Variants in ALOX15B observed in about 807,000 individuals in gnomAD.
ALOX15B encodes polyunsaturated fatty acid lipoxygenase ALOX15B.
A neutral mutation model predicts 73.8 loss-of-function variants in ALOX15B; 74 were observed. The ratio of observed to expected loss-of-function variants is 1.00; its 90% CI spans 0.83 to 1.22. The LOEUF (loss-of-function observed/expected upper bound fraction) is 1.22. Among genes scored for constraint, ALOX15B ranks in the 50% most tolerant of loss-of-function variants. The pLI is 0.00. For synonymous variants in ALOX15B, 353 were observed against 357.2 expected, an observed-to-expected ratio of 0.99 and a Z score of 0.13; for missense variants, 896 against 859.9, an observed-to-expected ratio of 1.04 and a Z score of -0.52.
rs915039621 is a variant in ALOX15B, at chr17:8,039,104, G to A, written c.-52G>A. 10 of 1,581,980 alleles carry A rather than the reference G, an allele frequency of 6.3e-6. No homozygotes were observed. In the African/African-American group the frequency reaches 8.1e-5, roughly 13 times the overall value. ...ATAACCAGGCGTGTCCCAGGGGGGAGCCCCGCTCTGCAGCCCTGTGCGCCG... is the reference window on the plus strand; with the variant it reads ...ATAACCAGGCGTGTCCCAGGGGGGAACCCCGCTCTGCAGCCCTGTGCGCCG... On this transcript the variant is annotated 5_prime_UTR_variant, in exon 1 of 14. Transcript: ENST00000380183.
chr17:8,042,681 CG>C, intron 4 of ALOX15B, 99 bp from the exon 5 acceptor site: 2 of 1,355,598 alleles, frequency 1.5e-6, no homozygotes, highest in Non-Finnish European at 2.0e-6. Context: ...ACCTTGGGCC[CG>C]GAGGCTGGTT....
chr17:8,043,233 AG>A (rs1270542633), intron 5 of ALOX15B, among the ~76,000 whole-genome samples: 6 of 152,206 alleles, frequency 3.9e-5, no homozygotes, highest in Non-Finnish European at 8.8e-5. Flanking sequence ...GGATCCAGTG[AG>A]GGTGTAAAGG....
Position 8,047,599 on chromosome 17 carries a change from G to A in ALOX15B, c.1615G>A (p.Val539Met). 1 of 1,610,006 alleles carries A rather than the reference G, an allele frequency of 6.2e-7. No individual in the cohort carries two copies. Among genetic ancestry groups the A allele is most frequent in the Non-Finnish European group, 8.5e-7 (1 of 1,178,088 alleles). Residue 539 changes from valine to methionine, a missense_variant, in exon 12 of 14, where the codon GTG becomes ATG. Val to Met is a conservative substitution (Grantham distance 21, BLOSUM62 1). Coordinates refer to ENST00000380183, the MANE Select transcript of ALOX15B (RefSeq NM_001141.3). The stretch of plus-strand genomic sequence containing the variant: ...CTCACTGGAGACCCGGGAAGCCCTG[G>A]TGCAGTATGTCACCATGGTGATATT... Reference protein sequence around the residue: ...PSSLETREALVQYVTMVIFTC... With the variant: ...PSSLETREALMQYVTMVIFTC...
Position 8,042,378 on chromosome 17 carries a change from T to G in ALOX15B, c.459T>G (p.Ala153=). 1 of 1,614,002 alleles carries G rather than the reference T, an allele frequency of 6.2e-7. No homozygotes were observed. Among genetic ancestry groups the G allele is most frequent in the Non-Finnish European group, 8.5e-7 (1 of 1,180,010 alleles). ...QARQEMYQWK[A]YNPGWPHCLD... is the part of the protein sequence containing the mutation. ...CCTCTCTACCCTCCAGGTGGAAGGC[T>G]TACAACCCAGGTTGGCCTCACTGCC... The change falls in exon 4 of 14, where the codon GCT becomes GCG. Residue 153 remains alanine (A), a synonymous_variant. Transcript: ENST00000380183.
intron 5 of ALOX15B, 52 bp from the exon 6 acceptor site, chr17:8,044,776 CT>C: frequency 7.5e-7 from 1 of 1,325,084 alleles, no homozygotes; most frequent in South Asian, 1.4e-5. Flanking sequence ...CCCCCACCCC[CT>C]GCAAAGCACG....
chr17:8,040,499 C>T (rs1224570478), intron 3 of ALOX15B, among the ~76,000 whole-genome samples: 25 of 147,420 alleles, frequency 1.7e-4, no homozygotes, highest in African/African-American at 5.8e-4. Flanking sequence ...GAGCCGATCA[C>T]GCCATTGCAC....
At position 8,047,628 on chromosome 17, in the gene ALOX15B, C is replaced by T. The variant is rs1195061900; in HGVS notation, c.1644C>T (p.Thr548=). ...AGTATGTCACCATGGTGATATTCACCTGCTCCGCCAAGCATGCGGCTGTCA... is the reference window on the plus strand; with the variant it reads ...AGTATGTCACCATGGTGATATTCACTTGCTCCGCCAAGCATGCGGCTGTCA... ...LVQYVTMVIF[T]CSAKHAAVSA... The change falls in exon 12 of 14, where the codon ACC becomes ACT. Residue 548 remains threonine (T), a synonymous_variant. Coordinates refer to ENST00000380183, the MANE Select transcript of ALOX15B (RefSeq NM_001141.3). 6.2e-6 allele frequency: 10 copies of T among 1,611,670 alleles called. No individual in the cohort carries two copies. The highest frequency in any genetic ancestry group is 8.5e-6 in the Non-Finnish European group (10 of 1,178,956).
Position 8,040,075 on chromosome 17 carries a change from C to T in ALOX15B, c.449+92C>T. 3 of 1,207,418 alleles carry T rather than the reference C, an allele frequency of 2.5e-6. No homozygotes were observed. The South Asian group carries it at 4.2e-5, about 17-fold the overall frequency. 74.8% of individuals were successfully genotyped at this position (1,207,418 alleles called of 1,614,324 possible). A position where few individuals can be genotyped will look rare whatever the true frequency, so the allele number is the denominator to read the frequency against. On this transcript the variant is annotated intron_variant, in intron 3 of 13. Transcript: ENST00000380183. ...TCATGACAGAGATTAAAAGCCCCTGCCTCCACCTCTCCTATCAAAGCTGCT... is the reference window on the plus strand; with the variant it reads ...TCATGACAGAGATTAAAAGCCCCTGTCTCCACCTCTCCTATCAAAGCTGCT...
chr17:8,045,480 C>T lies in ALOX15B; in HGVS notation c.997-3C>T. 1.9e-6 allele frequency: 3 copies of T among 1,614,140 alleles called. No individual in the cohort carries two copies. Among genetic ancestry groups the T allele is most frequent in the Non-Finnish European group, 2.5e-6 (3 of 1,180,026 alleles). On this transcript the variant is annotated splice_region_variant and splice_polypyrimidine_tract_variant and intron_variant, in intron 7 of 13. Coordinates refer to ENST00000380183, the MANE Select transcript of ALOX15B (RefSeq NM_001141.3). ...GCCTCTCTCCCCACCTGCCTCCCCCCAGCTCAGCCAGACCCCCGGCCCAAA... is the reference window on the plus strand; with the variant it reads ...GCCTCTCTCCCCACCTGCCTCCCCCTAGCTCAGCCAGACCCCCGGCCCAAA...
chr17:8,048,581 A>G lies in ALOX15B; in HGVS notation c.*16A>G, dbSNP rs987512584. 28 of 1,610,920 alleles carry G rather than the reference A, an allele frequency of 1.7e-5. No homozygotes were observed. Among genetic ancestry groups the G allele is most frequent in the Non-Finnish European group, 2.1e-5 (25 of 1,178,178 alleles). On this transcript the variant is annotated 3_prime_UTR_variant, in exon 14 of 14. Coordinates refer to ENST00000380183, the MANE Select transcript of ALOX15B (RefSeq NM_001141.3). ...CTCCATCTAAATCCCAGGGGAACAC[A>G]GGCCCAGATGACATCCCTTTGACCA...
chr17:8,042,888 A>G lies in ALOX15B; in HGVS notation c.676+4A>G. ...TTCCGGAGGACCCCAGCAGCTGGTG[A>G]GGAGCTTGGGCCAGGGATCCTGACC... On this transcript the variant is annotated splice_donor_region_variant and intron_variant, in intron 5 of 13. Transcript: ENST00000380183. 1 of 1,551,036 alleles carries G rather than the reference A, an allele frequency of 6.4e-7. No homozygotes were observed. The highest frequency in any genetic ancestry group is 8.7e-7 in the Non-Finnish European group (1 of 1,146,460).
chr17:8,048,059 G>A, intron 13 of ALOX15B, 144 bp downstream of exon 13: 3 of 1,038,086 alleles, frequency 2.9e-6, no homozygotes, highest in Non-Finnish European at 4.1e-6. Context: ...CATGAGCCTT[G>A]GACATTTCAC....
At position 8,044,962 on chromosome 17, in the gene ALOX15B, A is replaced by C. The variant is rs1976566109; in HGVS notation, c.810A>C (p.Ser270=). 6.2e-7 allele frequency: 1 copy of C among 1,613,958 alleles called. No homozygotes were observed. Among genetic ancestry groups the C allele is most frequent in the Non-Finnish European group, 8.5e-7 (1 of 1,180,006 alleles). Residue 270 remains serine (S), a synonymous_variant, in exon 6 of 14, where the codon TCA becomes TCC. Coordinates refer to ENST00000380183, the MANE Select transcript of ALOX15B (RefSeq NM_001141.3). ...CCGTCACTGATGCCATGGTGGCCTC[A>C]GTGTTGGGTCCTGGGACCAGCTTGC... is the stretch of plus-strand genomic sequence containing the variant. The part of the protein sequence containing the change: ...NFPVTDAMVA[S]VLGPGTSLQA...
chr17:8,046,553 C>A, intron 8 of ALOX15B, 115 bp from the exon 9 acceptor site: 1 of 1,087,538 alleles, frequency 9.2e-7, no homozygotes, highest in Non-Finnish European at 1.3e-6. Context: ...GCTGCCTCCT[C>A]TCATTCTTGT....
In ALOX15B at chr17:8,039,132, G is replaced by A. The variant is rs1976353044; in HGVS notation, c.-24G>A. ...CCGCTCTGCAGCCCTGTGCGCCGTA[G>A]AGAGCTGGACTTAGGCTGGCAGCAT... On this transcript the variant is annotated 5_prime_UTR_variant, in exon 1 of 14. Transcript: ENST00000380183. The A allele has an allele frequency of 6.2e-7, 1 of 1,609,384 alleles. No individual in the cohort carries two copies. Among genetic ancestry groups the A allele is most frequent in the African/African-American group, 1.3e-5 (1 of 74,956 alleles).
chr17:8,039,169 G>C lies in ALOX15B; in HGVS notation c.14G>C (p.Arg5Thr), dbSNP rs1379582666. MAEF[R>T]VRVSTGEAFG... ...TAGGCTGGCAGCATGGCCGAGTTCA[G>C]GGTCAGGGTGTCCACCGGAGAAGCC... The change falls in exon 1 of 14, where the codon AGG (arginine) becomes ACG (threonine). Residue 5 changes from arginine to threonine, a missense_variant. Coordinates refer to ENST00000380183, the MANE Select transcript of ALOX15B (RefSeq NM_001141.3). The C allele has an allele frequency of 5.0e-6, 8 of 1,613,338 alleles. No homozygotes were observed. Among genetic ancestry groups the C allele is most frequent in the Non-Finnish European group, 6.8e-6 (8 of 1,179,706 alleles).
At chr17:8,046,588 G>T in intron 8 of ALOX15B, 80 bp from the exon 9 acceptor site, 1 of 1,424,324 alleles carries the variant, frequency 7.0e-7, no homozygotes, top group South Asian at 1.2e-5. Context: ...TGACTTGCAG[G>T]GCTGGTGCCT....
intron 2 of ALOX15B, 28 bp downstream of exon 2, chr17:8,039,633 A>AG: frequency 1.5e-6 from 1 of 651,330 alleles, no homozygotes; most frequent in South Asian, 1.6e-5. Context: ...CTGGGGCTGC[A>AG]GGGGGAGCAC....
At position 8,047,297 on chromosome 17, in the gene ALOX15B, T is replaced by G; in HGVS notation, c.1497T>G (p.Asp499Glu). 1 of 1,614,050 alleles carries G rather than the reference T, an allele frequency of 6.2e-7. No individual in the cohort carries two copies. The highest frequency in any genetic ancestry group is 8.5e-7 in the Non-Finnish European group (1 of 1,179,970). The change falls in exon 11 of 14, where the codon GAT becomes GAG. Residue 499 changes from aspartate to glutamate, a missense_variant. Transcript: ENST00000380183. The stretch of plus-strand genomic sequence containing the variant: ...TCATCGGTATCTACTACCCAAGTGA[T>G]GAGTCTGTCCAAGATGACAGAGAGC... ...SEIIGIYYPS[D>E]ESVQDDRELQ...
Sources: allele counts gnomAD v4.1 joint callset (sites outside exome capture counted in the v4.1 genomes callset), GRCh38; gene constraint gnomAD v4.1.1; transcripts MANE v1.5; gene names NCBI Gene and HGNC (gene_info 2026-07-23, HGNC 2026-07-21).